KLF1: variants seen among roughly 807,000 people sequenced by gnomAD.
The protein encoded by KLF1 is KLF transcription factor 1.
Under a neutral mutation model 28.0 loss-of-function variants are expected in KLF1, and 29 were observed. The ratio of observed to expected loss-of-function variants is 1.04; its 90% confidence interval spans 0.77 to 1.41. The LOEUF (loss-of-function observed/expected upper bound fraction) is 1.41. Ranked by LOEUF, KLF1 falls within the 40% of genes most tolerant of loss-of-function variation. KLF1 has a pLI of 0.00. For missense variants in KLF1, 508 were observed against 515.1 expected (o/e 0.99, Z 0.13); for synonymous variants, 262 against 242.6 (o/e 1.08, Z -0.74).
Position 12,885,484 on chromosome 19 carries a change from C to A in KLF1, c.746G>T (p.Gly249Val), listed in dbSNP as rs1008142292. 5 of 1,602,038 alleles carry A rather than the reference C, an allele frequency of 3.1e-6. No homozygotes were observed. The Admixed American group carries it at 5.1e-5, about 16-fold the overall frequency. Residue 249 changes from glycine (G) to valine (V), a missense_variant, in exon 2 of 3, where the codon GGG becomes GTG. Coordinates refer to ENST00000264834, the MANE Select transcript of KLF1 (RefSeq NM_006563.5). The surrounding 1 kb of genome is among the most constrained non-coding windows in gnomAD (Gnocchi z 5.6). ...LGPGTVGTGL[G>V]GTAEDPGVIA... ...CACACCTGGATCCTCTGCAGTCCCC[C>A]CGAGTCCAGTGCCCACCGTCCCGGG...
In KLF1 at chr19:12,884,806, C is replaced by A; in HGVS notation, c.*79G>T. On this transcript the variant is annotated 3_prime_UTR_variant, in exon 3 of 3. Coordinates refer to ENST00000264834, the MANE Select transcript of KLF1 (RefSeq NM_006563.5). ...AAACCACCCAGCATTGTGTCACGCG[C>A]GTCCGTGTGAAGAGACCACCAAACA... The A allele has an allele frequency of 3.4e-6, 5 of 1,467,460 alleles. No individual in the cohort carries two copies. Among genetic ancestry groups the A allele is most frequent in the South Asian group, 3.4e-5 (3 of 88,124 alleles). The allele number at this position is 1,467,460 out of a possible 1,614,324, so 90.9% of individuals were successfully genotyped here. A position where few individuals can be genotyped will look rare whatever the true frequency, so the allele number is the denominator to read the frequency against.
intron 1 of KLF1, 68 bp from the exon 2 acceptor site, chr19:12,886,210 G>T: frequency 2.5e-6 from 3 of 1,201,306 alleles, no homozygotes; most frequent in Non-Finnish European, 3.5e-6. Context: ...GACATCGCGG[G>T]CTGGACACTC....
Position 12,885,266 on chromosome 19 carries a change from A to G in KLF1, c.913+51T>C. The G allele has an allele frequency of 1.3e-6, 2 of 1,490,228 alleles. No homozygotes were observed. The highest frequency in any genetic ancestry group is 1.2e-5 in the South Asian group (1 of 82,780). 92.3% of individuals were successfully genotyped at this position (1,490,228 alleles called of 1,614,324 possible). A position where few individuals can be genotyped will look rare whatever the true frequency, so the allele number is the denominator to read the frequency against. ...CCTCTGCAACCCTTCTTCCCCTGTA[A>G]CTACAGCGGGCGCCGCGCCCTTTCT... On this transcript the variant is annotated intron_variant, in intron 2 of 2. Coordinates refer to ENST00000264834, the MANE Select transcript of KLF1 (RefSeq NM_006563.5). This position sits in a 1 kb window ranked among gnomAD's most constrained non-coding sequence, Gnocchi z 5.6.
chr19:12,884,833 G>A lies in KLF1; in HGVS notation c.*52C>T. ...TCCGTGTGAAGAGACCACCAAACAG[G>A]CTTCTTGTCCCATCCCCAGTCACTA... On this transcript the variant is annotated 3_prime_UTR_variant, in exon 3 of 3. Coordinates refer to ENST00000264834, the MANE Select transcript of KLF1 (RefSeq NM_006563.5). The A allele has an allele frequency of 6.3e-7, 1 of 1,596,586 alleles. No individual in the cohort carries two copies. The highest frequency in any genetic ancestry group is 1.1e-5 in the South Asian group (1 of 90,836).
Position 12,885,105 on chromosome 19 carries a change from G to A in KLF1, c.914-45C>T, listed in dbSNP as rs1407096574. ...TAAGCGCCACTGTCTGCCCAGTCAT[G>A]TCCCCGGGTCCCCTGCATCTGGCCA... On this transcript the variant is annotated intron_variant, in intron 2 of 2. Transcript: ENST00000264834. The surrounding 1 kb of genome is among the most constrained non-coding windows in gnomAD (Gnocchi z 5.6). 1.9e-6 allele frequency: 3 copies of A among 1,588,960 alleles called. No homozygotes were observed. Among genetic ancestry groups the A allele is most frequent in the African/African-American group, 1.3e-5 (1 of 74,752 alleles).
rs774420327 is a variant in KLF1, at chr19:12,885,507, G to T, written c.723C>A (p.Pro241=). The change falls in exon 2 of 3, where the codon CCC becomes CCA. Residue 241 remains proline (P), a synonymous_variant. Transcript: ENST00000264834. The surrounding 1 kb of genome is among the most constrained non-coding windows in gnomAD (Gnocchi z 5.6). ...CCCCGAGTCCAGTGCCCACCGTCCC[G>T]GGTCCCAAACAACTCAGGAAGGAGG... is the stretch of plus-strand genomic sequence containing the variant. ...TSPSFLSCLG[P]GTVGTGLGGT... 1.9e-6 allele frequency: 3 copies of T among 1,595,834 alleles called. No homozygotes were observed. In the Admixed American group the frequency reaches 5.3e-5, roughly 28 times the overall value.
Position 12,885,870 on chromosome 19 carries a change from C to T in KLF1, c.360G>A (p.Pro120=). The T allele has an allele frequency of 6.4e-7, 1 of 1,552,172 alleles. No homozygotes were observed. Among genetic ancestry groups the T allele is most frequent in the Non-Finnish European group, 8.7e-7 (1 of 1,148,044 alleles). The stretch of plus-strand genomic sequence containing the variant: ...AACCCAAAAGCCCAGCCACCAGCCC[C>T]GGGCCGCCAGCATATGCGCCCAGAG... The part of the protein sequence containing the change: ...PETLGAYAGG[P]GLVAGLLGSE... The change falls in exon 2 of 3, where the codon CCG becomes CCA. Residue 120 remains proline (P), a synonymous_variant. Transcript: ENST00000264834. This position sits in a 1 kb window ranked among gnomAD's most constrained non-coding sequence, Gnocchi z 5.6.
Position 12,885,064 on chromosome 19 carries a change from G to C in KLF1, c.914-4C>G, listed in dbSNP as rs991047538. 1.2e-6 allele frequency: 2 copies of C among 1,603,524 alleles called. No homozygotes were observed. The highest frequency in any genetic ancestry group is 3.8e-4 in the Middle Eastern group (2 of 5,250). On this transcript the variant is annotated splice_polypyrimidine_tract_variant and splice_region_variant and intron_variant, in intron 2 of 2. Transcript: ENST00000264834. This position sits in a 1 kb window ranked among gnomAD's most constrained non-coding sequence, Gnocchi z 5.6. ...GTGCAGGCGTATGGCTTCTCCCCTAGGGGACAAGGAAGCCATAAGCGCCAC... is the reference window on the plus strand; with the variant it reads ...GTGCAGGCGTATGGCTTCTCCCCTACGGGACAAGGAAGCCATAAGCGCCAC...
intron 1 of KLF1, among the ~76,000 whole-genome samples, 169 bp downstream of exon 1, chr19:12,886,885 C>T (rs1164748124): frequency 6.6e-6 from 1 of 152,166 alleles, no homozygotes; most frequent in African/African-American, 2.4e-5. Flanking sequence ...AGACCACCCT[C>T]CTCACCCCCT....
rs1970434086 is a variant in KLF1 at position 12,885,675 on chromosome 19, G to C, written c.555C>G (p.Thr185=). The C allele has an allele frequency of 6.5e-7, 1 of 1,536,524 alleles. No individual in the cohort carries two copies. The highest frequency in any genetic ancestry group is 8.8e-7 in the Non-Finnish European group (1 of 1,140,012). The part of the protein sequence containing the change: ...AGSSGGYFPR[T]GLSVPAASGA... ...CCGACGCCGCAGGCACTGAAAGCCC[G>C]GTCCGCGGGAAGTAGCCACCCGAGG... Residue 185 remains threonine, a synonymous_variant, in exon 2 of 3, where the codon ACC becomes ACG. Transcript: ENST00000264834. This position sits in a 1 kb window ranked among gnomAD's most constrained non-coding sequence, Gnocchi z 5.6.
Position 12,886,084 on chromosome 19 carries a change from G to A in KLF1, c.146C>T (p.Pro49Leu). The A allele has an allele frequency of 6.2e-7, 1 of 1,608,468 alleles. No individual in the cohort carries two copies. The highest frequency in any genetic ancestry group is 1.1e-5 in the South Asian group (1 of 90,800). ...MGPGPPDPTE[P>L]PLHVKSEDQP... Reference sequence around the variant, plus strand: ...GTCCTCAGACTTCACGTGGAGGGGCGGCTCCGTGGGGTCAGGAGGACCCGG... The same window carrying A: ...GTCCTCAGACTTCACGTGGAGGGGCAGCTCCGTGGGGTCAGGAGGACCCGG... The change falls in exon 2 of 3, where the codon CCG (proline) becomes CTG (leucine). Residue 49 changes from proline to leucine, a missense_variant. Pro to Leu is a moderately conservative substitution (Grantham distance 98, BLOSUM62 -3). Coordinates refer to ENST00000264834, the MANE Select transcript of KLF1 (RefSeq NM_006563.5).
At chr19:12,886,200 G>T in intron 1 of KLF1, 58 bp from the exon 2 acceptor site, 1 of 1,317,192 alleles carries the variant, frequency 7.6e-7, no homozygotes, top group Non-Finnish European at 1.1e-6. Context: ...CCTGCCCAGG[G>T]ACATCGCGGG....
In KLF1 at chr19:12,885,535, G is replaced by C; in HGVS notation, c.695C>G (p.Ser232Cys). The C allele has an allele frequency of 6.3e-7, 1 of 1,579,830 alleles. No individual in the cohort carries two copies. Among genetic ancestry groups the C allele is most frequent in the Non-Finnish European group, 8.6e-7 (1 of 1,163,830 alleles). The change falls in exon 2 of 3, where the codon TCC becomes TGC. Residue 232 changes from serine (S) to cysteine (C), a missense_variant. Transcript: ENST00000264834. This position sits in a 1 kb window ranked among gnomAD's most constrained non-coding sequence, Gnocchi z 5.6. ...LQGPAPGPAT[S>C]PSFLSCLGPG... ...TCCCAAACAACTCAGGAAGGAGGGG[G>C]ACGTGGCGGGACCGGGCGCGGGTCC...
chr19:12,885,832 G>A lies in KLF1; in HGVS notation c.398C>T (p.Ser133Leu). The change falls in exon 2 of 3, where the codon TCG becomes TTG. Residue 133 changes from serine to leucine, a missense_variant. Coordinates refer to ENST00000264834, the MANE Select transcript of KLF1 (RefSeq NM_006563.5). This position sits in a 1 kb window ranked among gnomAD's most constrained non-coding sequence, Gnocchi z 5.6. ...TCGCAGGGCAGGGCGCACCCAACCC[G>A]AGTGATCCTCCGAACCCAAAAGCCC... Reference protein sequence around the residue: ...VAGLLGSEDHSGWVRPALRAR... With the variant: ...VAGLLGSEDHLGWVRPALRAR... 3 of 1,550,488 alleles carry A rather than the reference G, an allele frequency of 1.9e-6. No individual in the cohort carries two copies. The highest frequency in any genetic ancestry group is 2.6e-6 in the Non-Finnish European group (3 of 1,147,324).
Position 12,884,686 on chromosome 19 carries a change from CG to C in KLF1, c.*198del. 1.6e-6 allele frequency: 1 copy of C among 623,104 alleles called. No individual in the cohort carries two copies. The highest frequency in any genetic ancestry group is 1.9e-5 in the South Asian group (1 of 52,360). The allele number at this position is 623,104 out of a possible 1,614,324, so 38.6% of individuals were successfully genotyped here. A position where few individuals can be genotyped will look rare whatever the true frequency, so the allele number is the denominator to read the frequency against. Reference sequence around the variant, plus strand: ...GTGGCTGAAGGCTTGTCGGATTTTCCGTAAGAGGCTCCCCCAGGGCTGTCTA... The same window carrying C: ...GTGGCTGAAGGCTTGTCGGATTTTCCTAAGAGGCTCCCCCAGGGCTGTCTA... On this transcript the variant is annotated 3_prime_UTR_variant, in exon 3 of 3. Coordinates refer to ENST00000264834, the MANE Select transcript of KLF1 (RefSeq NM_006563.5).
Position 12,884,926 on chromosome 19 carries a change from G to A in KLF1, c.1048C>T (p.Arg350Cys), listed in dbSNP as rs1321730417. The A allele has an allele frequency of 6.2e-7, 1 of 1,613,960 alleles. No individual in the cohort carries two copies. Among genetic ancestry groups the A allele is most frequent in the Non-Finnish European group, 8.5e-7 (1 of 1,180,024 alleles). The change falls in exon 3 of 3, where the codon CGC (arginine) becomes TGC (cysteine). Residue 350 changes from arginine to cysteine, a missense_variant. Physicochemically the swap from Arg to Cys is radical, Grantham distance 180. Coordinates refer to ENST00000264834, the MANE Select transcript of KLF1 (RefSeq NM_006563.5). Reference sequence around the variant, plus strand: ...ATGTGCAAGGCCAGGTGGTCAGAGCGCGAAAAAGCACGTGGGCAGAGCTGG... The same window carrying A: ...ATGTGCAAGGCCAGGTGGTCAGAGCACGAAAAAGCACGTGGGCAGAGCTGG... ...RCQLCPRAFS[R>C]SDHLALHMKR...
Position 12,885,186 on chromosome 19 carries a change from G to T in KLF1, c.914-126C>A. The T allele has an allele frequency of 7.3e-7, 1 of 1,376,046 alleles. No individual in the cohort carries two copies. Among genetic ancestry groups the T allele is most frequent in the Non-Finnish European group, 1.0e-6 (1 of 1,004,304 alleles). 85.2% of individuals were successfully genotyped at this position (1,376,046 alleles called of 1,614,324 possible). A position where few individuals can be genotyped will look rare whatever the true frequency, so the allele number is the denominator to read the frequency against. ...GGATGAACAAAGTGAGGCCCCTAGG[G>T]CACAAAATTTAAGGAGGCACTCACT... is the stretch of plus-strand genomic sequence containing the variant. On this transcript the variant is annotated intron_variant, in intron 2 of 2. Coordinates refer to ENST00000264834, the MANE Select transcript of KLF1 (RefSeq NM_006563.5). The surrounding 1 kb of genome is among the most constrained non-coding windows in gnomAD (Gnocchi z 5.6).
rs992777291 is a variant in KLF1, at chr19:12,885,339, C to T, written c.891G>A (p.Lys297=). Residue 297 remains lysine, a synonymous_variant, in exon 2 of 3, where the codon AAG becomes AAA. Transcript: ENST00000264834. The surrounding 1 kb of genome is among the most constrained non-coding windows in gnomAD (Gnocchi z 5.6). The part of the protein sequence containing the change: ...GKSYTKSSHL[K]AHLRTHTGEK... ...CACCTGTGTGCGTGCGCAGATGCGC[C>T]TTCAGGTGGGAGCTCTTGGTGTAGC... 5.6e-6 allele frequency: 9 copies of T among 1,597,606 alleles called. No individual in the cohort carries two copies. Among genetic ancestry groups the T allele is most frequent in the African/African-American group, 1.3e-5 (1 of 74,728 alleles).
In KLF1 at chr19:12,887,133, GTGGCCATGGC is replaced by G. The variant is rs768749362; in HGVS notation, c.-3_7del. ...GATGGAGGGCAAGGCGGTCTCGGCT[GTGGCCATGGC>G]TGGCTGGTGCCCACCCTGGGCCTCA... On this transcript the variant is annotated start_lost and 5_prime_UTR_variant, in exon 1 of 3. Coordinates refer to ENST00000264834, the MANE Select transcript of KLF1 (RefSeq NM_006563.5). This position sits in a 1 kb window ranked among gnomAD's most constrained non-coding sequence, Gnocchi z 4.7. 1.7e-5 allele frequency: 27 copies of G among 1,614,002 alleles called. No homozygotes were observed. The highest frequency in any genetic ancestry group is 2.2e-5 in the Non-Finnish European group (26 of 1,180,024).
Sources: allele counts gnomAD v4.1 joint callset (sites outside exome capture counted in the v4.1 genomes callset), GRCh38; gene constraint gnomAD v4.1.1; non-coding constraint Gnocchi (gnomAD v3.1); transcripts MANE v1.5; gene names NCBI Gene and HGNC (gene_info 2026-07-23, HGNC 2026-07-21).